The following TMPRSS9 variants were observed in gnomAD, a reference collection of about 807,000 sequenced individuals.
TMPRSS9 encodes the protein transmembrane serine protease 9, also known as transmembrane protease serine 9.
TMPRSS9 carries 113 observed loss-of-function variants against 111.4 expected under a neutral mutation model. The observed-to-expected ratio is 1.01, with a 90% CI of 0.87 to 1.19. The LOEUF is 1.19. TMPRSS9 is among the 50% of genes most tolerant of loss of function. The pLI, the probability that TMPRSS9 is intolerant of heterozygous loss-of-function variation, is 0.00. For missense variants in TMPRSS9, 1,803 were observed against 1,513.1 expected (o/e 1.19, Z -3.18); for synonymous variants, 805 against 659.1 (o/e 1.22, Z -3.39).
At chr19:2,405,173 C>T (rs1970942194) in intron 6 of TMPRSS9, among the ~76,000 whole-genome samples, 6 of 151,994 alleles carry the variant, frequency 3.9e-5, no homozygotes, top group Admixed American at 3.3e-4. Context: ...GCTTGACCTA[C>T]GTGCCAGGAT....
At chr19:2,385,710 G>A (rs756173811), upstream of TMPRSS9, among the ~76,000 whole-genome samples, 17 of 152,056 alleles carry the variant, frequency 1.1e-4, no homozygotes, top group East Asian at 7.7e-4. Context: ...AAAATTAACC[G>A]GGTGTGGTGG....
intron 1 of TMPRSS9, among the ~76,000 whole-genome samples, chr19:2,390,639 G>A (rs984756630): frequency 1.3e-5 from 2 of 150,676 alleles, no homozygotes; most frequent in East Asian, 2.0e-4. Context: ...GAGGACCATC[G>A]GAGCCCAGGA....
intron 1 of TMPRSS9, among the ~76,000 whole-genome samples, chr19:2,383,750 G>A (rs957587117): frequency 6.7e-6 from 1 of 150,254 alleles, no homozygotes; most frequent in African/African-American, 2.4e-5. Context: ...GCTGCAGTGA[G>A]CTATGATCAC....
intron 1 of TMPRSS9, among the ~76,000 whole-genome samples, chr19:2,393,535 A>G (rs1970643605): frequency 6.6e-6 from 1 of 152,216 alleles, no homozygotes; most frequent in Non-Finnish European, 1.5e-5. Context: ...TCTTGAAGTC[A>G]GTGAGACCAA....
At chr19:2,410,140 C>T (rs1971063518) in intron 8 of TMPRSS9, 118 bp from the exon 10 acceptor site, 1 of 1,449,738 alleles carries the variant, frequency 6.9e-7, no homozygotes. Flanking sequence ...GGTGGCCATG[C>T]TTGGAGCTGG....
At chr19:2,413,820 A>G in exon 10 of TMPRSS9, 1 of 1,613,742 alleles carries the variant, frequency 6.2e-7, no homozygotes, top group South Asian at 1.1e-5. Context: ...TGCCCGAGTC[A>G]CCAGGCTACG....
At chr19:2,425,894 G>A (rs867323196) in intron 17 of TMPRSS9, 33 bp from the exon 19 acceptor site, 1 of 1,558,320 alleles carries the variant, frequency 6.4e-7, no homozygotes, top group Non-Finnish European at 8.6e-7. Context: ...GGAGGTACCG[G>A]CCTCTGAACC....
At chr19:2,426,197 T>C (rs1971626785) in exon 18 of TMPRSS9, 5 of 846,702 alleles carry the variant, frequency 5.9e-6, no homozygotes. Context: ...GTGGGGGGGC[T>C]GTGGGTCATG....
At chr19:2,373,917 A>G (rs1489504071) in intron 1 of TMPRSS9, among the ~76,000 whole-genome samples, 2 of 152,238 alleles carry the variant, frequency 1.3e-5, no homozygotes, top group Non-Finnish European at 2.9e-5. Flanking sequence ...GAAACTTGTC[A>G]GCTTTTCACT....
At chr19:2,368,576 C>T (rs1970264565) in intron 1 of TMPRSS9, among the ~76,000 whole-genome samples, 1 of 151,936 alleles carries the variant, frequency 6.6e-6, no homozygotes, top group Non-Finnish European at 1.5e-5. Context: ...TCTTAGCTGT[C>T]TCCCTGAGGC....
At chr19:2,381,761 G>T (rs1020146496) in intron 1 of TMPRSS9, among the ~76,000 whole-genome samples, 21 of 152,172 alleles carry the variant, frequency 1.4e-4, no homozygotes, top group African/African-American at 4.3e-4. Flanking sequence ...CCCCAGCATA[G>T]GGTTGCCAGA....
intron 13 of TMPRSS9, among the ~76,000 whole-genome samples, chr19:2,419,525 T>C (rs565703447): frequency 7.2e-4 from 107 of 149,454 alleles, no homozygotes; most frequent in Non-Finnish European, 1.2e-3. Context: ...CTTTTTCCTT[T>C]TTTTTTTTTG....
At chr19:2,425,406 G>C in exon 17 of TMPRSS9, 1 of 1,571,370 alleles carries the variant, frequency 6.4e-7, no homozygotes, top group Non-Finnish European at 8.6e-7. Context: ...TCCTCAGCGA[G>C]CAGACCTGCC....
intron 9 of TMPRSS9, among the ~76,000 whole-genome samples, chr19:2,412,775 T>C (rs754467643): frequency 3.9e-5 from 6 of 152,180 alleles, no homozygotes; most frequent in Non-Finnish European, 8.8e-5. Context: ...ATACCTTTGC[T>C]CTTGTTTCTA....
intron 1 of TMPRSS9, among the ~76,000 whole-genome samples, chr19:2,365,771 C>T (rs1299385256): frequency 1.3e-5 from 2 of 151,936 alleles, no homozygotes; most frequent in African/African-American, 2.4e-5. Flanking sequence ...TTGAGACCAG[C>T]TGGGCAACAT....
chr19:2,392,890 C>G (rs1199980732), intron 1 of TMPRSS9, among the ~76,000 whole-genome samples: 1 of 152,116 alleles, frequency 6.6e-6, no homozygotes, highest in Non-Finnish European at 1.5e-5. Flanking sequence ...ATGCACCAAT[C>G]GCACCAATCA....
At position 2,370,420 on chromosome 19, in the gene TMPRSS9, C is replaced by CAAA. The variant is rs1307653420; in HGVS notation, c.-26+10079_-26+10081dup. 4.2e-5 allele frequency among the ~76,000 whole-genome samples: 3 copies of CAAA among 71,062 alleles called. No individual in the cohort carries two copies. The Admixed American group carries it at 4.8e-4, about 11-fold the overall frequency. The allele number at this position is 71,062 out of a possible 152,430, so 46.6% of individuals were successfully genotyped here. On this transcript the variant is annotated intron_variant, in intron 1 of 17. Coordinates refer to the TMPRSS9 transcript ENST00000649857. The stretch of plus-strand genomic sequence containing the variant: ...TGGGTGATAGAGTGAGACTCTGTCT[C>CAAA]AAAAAAAAAAAAAAAAAAAAAGTGG...
intron 14 of TMPRSS9, 99 bp from the exon 16 acceptor site, chr19:2,423,990 G>A: frequency 8.3e-7 from 1 of 1,210,768 alleles, no homozygotes. Context: ...CCTACTCCCT[G>A]GGGCTCCCAG....
exon 14 of TMPRSS9, chr19:2,422,100 G>C (rs769838680): frequency 1.2e-6 from 2 of 1,605,056 alleles, no homozygotes; most frequent in Admixed American, 3.4e-5. Flanking sequence ...AGTCCCGGGG[G>C]CCACACCCAG....
Sources: gnomAD v4.1 joint callset for allele counts (sites outside exome capture counted in the v4.1 genomes callset) on GRCh38, gnomAD v4.1.1 for gene constraint, MANE v1.5 for transcripts, NCBI Gene and HGNC (gene_info 2026-07-23, HGNC 2026-07-21) for gene names.